Variants in BDP1 observed in about 807,000 individuals in gnomAD.
The protein encoded by BDP1 is BDP1 general transcription factor IIIB subunit.
BDP1 carries 169 observed loss-of-function variants against 266.6 expected under a neutral mutation model. The ratio of observed to expected loss-of-function variants is 0.63; its 90% CI spans 0.56 to 0.72. The LOEUF is 0.72. Ranked by LOEUF, BDP1 falls within the 30% of genes least tolerant of loss-of-function variation. BDP1 has a pLI of 0.00. For synonymous variants in BDP1, 1,090 were observed against 1,022.4 expected (o/e 1.07, Z -1.26); for missense variants, 3,015 against 3,053.8 (o/e 0.99, Z 0.30).
At chr5:71,532,251 C>T (rs1315002303) in intron 25 of BDP1, 57 bp from the exon 26 acceptor site, 4 of 1,512,896 alleles carry the variant, frequency 2.6e-6, no homozygotes, top group Non-Finnish European at 3.6e-6. Context: ...GAAGATGAGG[C>T]TTTGTTTTGC....
At position 71,565,518 on chromosome 5, in the gene BDP1, T is replaced by TTG. The variant is rs1743975548; in HGVS notation, c.*637_*638dup. 6.6e-6 allele frequency: 1 copy of TTG among 152,472 alleles called. No homozygotes were observed. The highest frequency in any genetic ancestry group is 1.5e-5 in the Non-Finnish European group (1 of 68,258). The allele number at this position is 152,472 out of a possible 1,614,324, so 9.4% of individuals were successfully genotyped here. A position where few individuals can be genotyped will look rare whatever the true frequency, so the allele number is the denominator to read the frequency against. ...TGTTTAGATACACAAATACTTACTA[T>TTG]TGTGTTACAACTGCCTACAGTATTC... On this transcript the variant is annotated 3_prime_UTR_variant, in exon 39 of 39. Coordinates refer to ENST00000358731, the MANE Select transcript of BDP1 (RefSeq NM_018429.3).
chr5:71,475,273 A>C (rs1032530637), intron 7 of BDP1, among the ~76,000 whole-genome samples: 1 of 152,020 alleles, frequency 6.6e-6, no homozygotes, highest in African/African-American at 2.4e-5. Flanking sequence ...ATGCCCAGCT[A>C]ATTAAAAAAA....
the BDP1 span, among the ~76,000 whole-genome samples, chr5:71,575,809 A>G: frequency 1.3e-5 from 2 of 152,222 alleles, no homozygotes; most frequent in African/African-American, 4.8e-5. Flanking sequence ...CAGGCATTAA[A>G]GGAGCCTCGG....
At position 71,461,958 on chromosome 5, in the gene BDP1, C is replaced by CTTTT. The variant is rs370261571; in HGVS notation, c.599+50_599+53dup. 1,063 of 442,684 alleles carry CTTTT rather than the reference C, an allele frequency of 2.4e-3. 1 individual carries two copies. Among genetic ancestry groups the CTTTT allele is most frequent in the South Asian group, 4.2e-3 (186 of 44,702 alleles). The allele number at this position is 442,684 out of a possible 1,614,324, so 27.4% of individuals were successfully genotyped here. On this transcript the variant is annotated intron_variant, in intron 3 of 38. Coordinates refer to ENST00000358731, the MANE Select transcript of BDP1 (RefSeq NM_018429.3). ...AAAATTTATTTCTGCTTTACTATCT[C>CTTTT]TTTTTTTTTTTTTTTTTTTTTGGAG...
At chr5:71,496,982 T>G (rs573173700) in intron 12 of BDP1, among the ~76,000 whole-genome samples, 4 of 152,356 alleles carry the variant, frequency 2.6e-5, no homozygotes, top group African/African-American at 9.6e-5. Flanking sequence ...GTTGCTACCT[T>G]CAATATATAC....
intron 7 of BDP1, among the ~76,000 whole-genome samples, chr5:71,482,993 GA>G (rs1763047749): frequency 6.6e-6 from 1 of 152,154 alleles, no homozygotes; most frequent in Non-Finnish European, 1.5e-5. Context: ...AAACAATAAG[GA>G]AATACAAGAA....
At chr5:71,521,878 C>CA (rs1765513850) in intron 22 of BDP1, among the ~76,000 whole-genome samples, 1 of 151,620 alleles carries the variant, frequency 6.6e-6, no homozygotes, top group Admixed American at 6.6e-5. Context: ...TTATAACTGT[C>CA]ATATATTTGT....
chr5:71,556,830 A>T, intron 35 of BDP1, 56 bp from the exon 36 acceptor site: 1 of 800,268 alleles, frequency 1.2e-6, no homozygotes, highest in Non-Finnish European at 1.9e-6. Flanking sequence ...AAATAAAATT[A>T]ATTTCAGTTT....
At chr5:71,555,774 C>G (rs769219098) in intron 35 of BDP1, among the ~76,000 whole-genome samples, 1 of 152,116 alleles carries the variant, frequency 6.6e-6, no homozygotes, top group African/African-American at 2.4e-5. Flanking sequence ...ACTTTGGTAT[C>G]TTATAGGGAC....
intron 1 of BDP1, 72 bp from the exon 2 acceptor site, chr5:71,458,507 G>T: frequency 1.7e-6 from 2 of 1,157,180 alleles, no homozygotes; most frequent in Non-Finnish European, 2.4e-6. Flanking sequence ...ATTTTCACCA[G>T]ACTAGGTTTT....
intron 7 of BDP1, among the ~76,000 whole-genome samples, chr5:71,472,518 A>G (rs948290420): frequency 6.6e-5 from 10 of 152,322 alleles, no homozygotes; most frequent in Middle Eastern, 3.4e-3. Context: ...TGATTTTCAA[A>G]TATTGGACTA....
rs1239220833 is a variant in BDP1, at chr5:71,476,826, T to C, written c.1014+6337T>C. Among the ~76,000 whole-genome samples, 8 of 151,348 alleles carry C rather than the reference T, an allele frequency of 5.3e-5. No homozygotes were observed. In the South Asian group the frequency reaches 6.3e-4, roughly 12 times the overall value. Reference sequence around the variant, plus strand: ...TCACACCATTCTCCTGCCTCAGCCTTCCGAGTAGCTGGGACTACAGGCGCC... The same window carrying C: ...TCACACCATTCTCCTGCCTCAGCCTCCCGAGTAGCTGGGACTACAGGCGCC... On this transcript the variant is annotated intron_variant, in intron 7 of 38. Coordinates refer to ENST00000358731, the MANE Select transcript of BDP1 (RefSeq NM_018429.3).
At chr5:71,524,481 A>G (rs987610291) in intron 25 of BDP1, among the ~76,000 whole-genome samples, 158 bp downstream of exon 25, 1 of 152,122 alleles carries the variant, frequency 6.6e-6, no homozygotes, top group Non-Finnish European at 1.5e-5. Flanking sequence ...GCCTTGTATA[A>G]CCTTTTGTGA....
At position 71,553,161 on chromosome 5, in the gene BDP1, A is replaced by G; in HGVS notation, c.7041A>G (p.Leu2347=). The change falls in exon 35 of 39, where the codon TTA becomes TTG. Residue 2347 remains leucine (L), a synonymous_variant. Transcript: ENST00000358731. ...CAGTTGGTCAAGATGCCATGGGTTT[A>G]TCTATTTCTGGAAGAGATAATTCTA... ...ATSVGQDAMG[L]SISGRDNSKK... is the part of the protein sequence containing the mutation. 1 of 1,613,158 alleles carries G rather than the reference A, an allele frequency of 6.2e-7. No individual in the cohort carries two copies. The highest frequency in any genetic ancestry group is 8.5e-7 in the Non-Finnish European group (1 of 1,179,934).
At position 71,497,357 on chromosome 5, in the gene BDP1, A is replaced by G. The variant is rs1253653812; in HGVS notation, c.1887A>G (p.Lys629=). 1 of 1,613,732 alleles carries G rather than the reference A, an allele frequency of 6.2e-7. No homozygotes were observed. The highest frequency in any genetic ancestry group is 2.2e-5 in the East Asian group (1 of 44,854). Residue 629 remains lysine, a synonymous_variant, in exon 13 of 39, where the codon AAA becomes AAG. Coordinates refer to ENST00000358731, the MANE Select transcript of BDP1 (RefSeq NM_018429.3). ...CCAATTTGTCAAGGGCTGGGAAGAA[A>G]TCAGTTCTTTCACAAGGCAAAACAG... ...PKPNLSRAGK[K]SVLSQGKTES... is the part of the protein sequence containing the mutation.
At chr5:71,556,144 A>G (rs1273499339) in intron 35 of BDP1, among the ~76,000 whole-genome samples, 1 of 151,922 alleles carries the variant, frequency 6.6e-6, no homozygotes, top group Non-Finnish European at 1.5e-5. Flanking sequence ...GTTCTTTTCT[A>G]TTTAGAGAGC....
Position 71,523,938 on chromosome 5 carries a change from G to T in BDP1, c.5388-1G>T, listed in dbSNP as rs1351375725. ...TATTGTTGTTTTGATTAAATATCTAGCTGTCCACAACCGTTAAACGAAACA... is the reference window on the plus strand; with the variant it reads ...TATTGTTGTTTTGATTAAATATCTATCTGTCCACAACCGTTAAACGAAACA... On this transcript the variant is annotated splice_acceptor_variant, in intron 24 of 38. Coordinates refer to ENST00000358731, the MANE Select transcript of BDP1 (RefSeq NM_018429.3). LOFTEE classifies it high-confidence loss of function. 6.2e-7 allele frequency: 1 copy of T among 1,603,136 alleles called. No homozygotes were observed. Among genetic ancestry groups the T allele is most frequent in the Non-Finnish European group, 8.5e-7 (1 of 1,174,606 alleles).
chr5:71,565,116 T>C lies in BDP1; in HGVS notation c.*231T>C. On this transcript the variant is annotated 3_prime_UTR_variant, in exon 39 of 39. Transcript: ENST00000358731. ...GCAAATAGCAAGCAATTAAGACTGC[T>C]TTCTCAGACAGAAATAACAACTCTT... 1 of 447,874 alleles carries C rather than the reference T, an allele frequency of 2.2e-6. No homozygotes were observed. The highest frequency in any genetic ancestry group is 3.9e-6 in the Non-Finnish European group (1 of 253,622). 27.7% of individuals were successfully genotyped at this position (447,874 alleles called of 1,614,324 possible).
At chr5:71,530,201 AT>A (rs1003686450) in intron 25 of BDP1, among the ~76,000 whole-genome samples, 12 of 151,382 alleles carry the variant, frequency 7.9e-5, no homozygotes, top group African/African-American at 2.9e-4. Flanking sequence ...GAACTTTAAA[AT>A]TTTTTTTTGT....
Sources: gnomAD v4.1 joint callset for allele counts (sites outside exome capture counted in the v4.1 genomes callset) on GRCh38, gnomAD v4.1.1 for gene constraint, MANE v1.5 for transcripts, NCBI Gene and HGNC (gene_info 2026-07-23, HGNC 2026-07-21) for gene names.